The following DIAPH3 variants were observed in gnomAD, a reference collection of about 807,000 sequenced individuals.
DIAPH3 encodes diaphanous related formin 3, also known as protein diaphanous homolog 3.
DIAPH3 carries 117 observed loss-of-function variants against 144.3 expected under a neutral mutation model. The ratio of observed to expected loss-of-function variants is 0.81; its 90% CI spans 0.70 to 0.95. The LOEUF is 0.95. DIAPH3 is among the 40% of genes least tolerant of loss of function. DIAPH3 has a pLI of 0.00. For missense variants in DIAPH3, 1,421 were observed against 1,412.7 expected, an observed-to-expected ratio of 1.01 and a Z score of -0.09; for synonymous variants, 519 against 488.9, an observed-to-expected ratio of 1.06 and a Z score of -0.81.
chr13:59,723,493 T>C (rs1396817728), intron 27 of DIAPH3, among the ~76,000 whole-genome samples: 1 of 152,112 alleles, frequency 6.6e-6, no homozygotes, highest in Non-Finnish European at 1.5e-5. Context: ...GCGTGTGTGG[T>C]CTTTCCCCAC....
At chr13:59,820,202 T>A (rs1012811045) in intron 24 of DIAPH3, among the ~76,000 whole-genome samples, 2 of 151,934 alleles carry the variant, frequency 1.3e-5, no homozygotes, top group African/African-American at 4.8e-5. Flanking sequence ...ATTTTCATAG[T>A]TCCTATAAGA....
At chr13:59,672,030 T>C (rs1013810822) in intron 27 of DIAPH3, among the ~76,000 whole-genome samples, 11 of 152,342 alleles carry the variant, frequency 7.2e-5, no homozygotes, top group African/African-American at 2.6e-4. Flanking sequence ...CACAGGAAAC[T>C]GGGAAAGTTG....
In DIAPH3 at chr13:60,066,753, G is replaced by A. The variant is rs150661508; in HGVS notation, c.496-23933C>T. 4.8e-3 allele frequency among the ~76,000 whole-genome samples: 733 copies of A among 152,282 alleles called. 3 individuals carry two copies. Among genetic ancestry groups the A allele is most frequent in the South Asian group, 0.026 (126 of 4,828 alleles). On this transcript the variant is annotated intron_variant, in intron 4 of 27. Coordinates refer to ENST00000400324, the MANE Select transcript of DIAPH3 (RefSeq NM_001042517.2). ...AAATCAGAAATGGCACATGCCATAT[G>A]AATTTTAAACTGCTTAAAAATCTAA...
intron 1 of DIAPH3, among the ~76,000 whole-genome samples, chr13:60,155,762 A>G (rs1377699897): frequency 2.6e-5 from 4 of 152,192 alleles, no homozygotes; most frequent in Non-Finnish European, 5.9e-5. Context: ...GAGCATTTAG[A>G]TATCACCTCC....
intron 27 of DIAPH3, among the ~76,000 whole-genome samples, chr13:59,742,828 T>A (rs1458935175): frequency 2.0e-5 from 3 of 152,242 alleles, no homozygotes; most frequent in African/African-American, 7.2e-5. Context: ...TGACAATTCA[T>A]CCTTCATAAG....
chr13:59,879,291 A>T lies in DIAPH3; in HGVS notation c.2545T>A (p.Tyr849Asn). 6.2e-7 allele frequency: 1 copy of T among 1,613,778 alleles called. No individual in the cohort carries two copies. ...GCATTCCGGGAGCCAGCATTCATGT[A>T]GTTTCCCATTAGCAATACAAGTTCC... ...LLELVLLMGN[Y>N]MNAGSRNAQT... The change falls in exon 21 of 28, where the codon TAC (tyrosine) becomes AAC (asparagine). Residue 849 changes from tyrosine to asparagine, a missense_variant. Transcript: ENST00000400324.
chr13:60,049,258 C>A (rs1381488012), intron 4 of DIAPH3, among the ~76,000 whole-genome samples: 1 of 152,120 alleles, frequency 6.6e-6, no homozygotes, highest in East Asian at 1.9e-4. Context: ...AGAAGCAGAG[C>A]TATTAAATTT....
chr13:59,698,917 T>C (rs1015057868), intron 27 of DIAPH3, among the ~76,000 whole-genome samples: 3 of 152,224 alleles, frequency 2.0e-5, no homozygotes, highest in Non-Finnish European at 4.4e-5. Context: ...TTATGTCCTC[T>C]CTCCTTTTTG....
chr13:59,942,439 T>G (rs1032030742), intron 17 of DIAPH3, among the ~76,000 whole-genome samples: 4 of 152,152 alleles, frequency 2.6e-5, no homozygotes, highest in African/African-American at 9.6e-5. Context: ...TCAAAATATA[T>G]AAGGATTTCA....
At chr13:59,732,105 T>C (rs897595971) in intron 27 of DIAPH3, among the ~76,000 whole-genome samples, 1 of 152,110 alleles carries the variant, frequency 6.6e-6, no homozygotes, top group Non-Finnish European at 1.5e-5. Flanking sequence ...TCCATAAGAT[T>C]TGGTTTGTCA....
At chr13:59,905,146 T>A (rs1005891335) in intron 20 of DIAPH3, among the ~76,000 whole-genome samples, 7 of 151,432 alleles carry the variant, frequency 4.6e-5, no homozygotes, top group African/African-American at 1.7e-4. Context: ...ATCGAGATCA[T>A]CCTGGCTAAA....
At chr13:59,867,375 C>G (rs1395360695) in intron 21 of DIAPH3, among the ~76,000 whole-genome samples, 2 of 151,444 alleles carry the variant, frequency 1.3e-5, no homozygotes, top group Non-Finnish European at 2.9e-5. Context: ...TAAAATATAA[C>G]TTTCTTAATA....
intron 16 of DIAPH3, among the ~76,000 whole-genome samples, chr13:59,970,571 T>G (rs1230355142): frequency 6.6e-6 from 1 of 152,158 alleles, no homozygotes; most frequent in Non-Finnish European, 1.5e-5. Flanking sequence ...GCAATAATGT[T>G]TAATTATCAA....
intron 27 of DIAPH3, among the ~76,000 whole-genome samples, chr13:59,725,881 A>C (rs1396875652): frequency 6.6e-6 from 1 of 152,224 alleles, no homozygotes; most frequent in African/African-American, 2.4e-5. Context: ...AAAGCAACTT[A>C]AGAAAAAAGC....
At chr13:59,857,304 GT>G (rs1882617792) in intron 22 of DIAPH3, among the ~76,000 whole-genome samples, 2 of 152,054 alleles carry the variant, frequency 1.3e-5, no homozygotes, top group Non-Finnish European at 2.9e-5. Context: ...TAAACATTTG[GT>G]ATTTAGTAAG....
intron 24 of DIAPH3, among the ~76,000 whole-genome samples, chr13:59,829,523 C>A (rs547630236): frequency 9.9e-5 from 15 of 151,918 alleles, no homozygotes; most frequent in Admixed American, 2.0e-4. Flanking sequence ...TAACAGTACA[C>A]ATACCACATT....
At chr13:60,157,367 C>CA (rs1482360587) in intron 1 of DIAPH3, among the ~76,000 whole-genome samples, 3 of 151,898 alleles carry the variant, frequency 2.0e-5, no homozygotes, top group Non-Finnish European at 2.9e-5. Context: ...TGGCCAAAGG[C>CA]AAAAAATGGG....
intron 27 of DIAPH3, among the ~76,000 whole-genome samples, chr13:59,729,527 A>G (rs1046885374): frequency 4.6e-5 from 7 of 152,104 alleles, no homozygotes; most frequent in African/African-American, 1.2e-4. Flanking sequence ...ACAATTTACC[A>G]TAACGTGGTA....
At chr13:60,038,895 G>T (rs534119404) in intron 5 of DIAPH3, among the ~76,000 whole-genome samples, 1 of 151,996 alleles carries the variant, frequency 6.6e-6, no homozygotes, top group South Asian at 2.1e-4. Flanking sequence ...TCAAAATGAT[G>T]TTGCTGTCTA....
Sources: allele counts gnomAD v4.1 joint callset (sites outside exome capture counted in the v4.1 genomes callset), GRCh38; gene constraint gnomAD v4.1.1; transcripts MANE v1.5; gene names NCBI Gene and HGNC (gene_info 2026-07-23, HGNC 2026-07-21).